CCDC178: variants seen among roughly 807,000 people sequenced by gnomAD.
The protein encoded by CCDC178 is coiled-coil domain-containing protein 178.
CCDC178 carries 126 observed loss-of-function variants against 117.4 expected under a neutral mutation model. The ratio of observed to expected loss-of-function variants is 1.07; its 90% CI spans 0.93 to 1.24. The LOEUF is 1.24. Among genes scored for constraint, CCDC178 ranks in the 50% most tolerant of loss-of-function variants. CCDC178 has a pLI of 0.00. For synonymous variants in CCDC178, 283 were observed against 313.4 expected, an observed-to-expected ratio of 0.90 and a Z score of 1.02; for missense variants, 1,030 against 986.9, an observed-to-expected ratio of 1.04 and a Z score of -0.59.
intron 20 of CCDC178, among the ~76,000 whole-genome samples, chr18:33,152,244 C>T (rs2058349706): frequency 6.6e-6 from 1 of 152,088 alleles, no homozygotes; most frequent in South Asian, 2.1e-4. Flanking sequence ...AGAGCAAATG[C>T]TCACTATTCT....
At chr18:33,339,388 G>A (rs1406365303) in intron 9 of CCDC178, among the ~76,000 whole-genome samples, 2 of 151,498 alleles carry the variant, frequency 1.3e-5, no homozygotes, top group Non-Finnish European at 2.9e-5. Context: ...AATTACCAAA[G>A]TTAGGAATGA....
intron 11 of CCDC178, among the ~76,000 whole-genome samples, chr18:33,307,887 T>G (rs7234981): frequency 0.016 from 2,427 of 152,232 alleles, 62 homozygotes; most frequent in African/African-American, 0.056. Context: ...AGAACTGAGG[T>G]TTGGGAACCT....
In CCDC178 at chr18:33,375,497, C is replaced by A. The variant is rs952556916; in HGVS notation, c.209-5308G>T. 2.0e-5 allele frequency among the ~76,000 whole-genome samples: 3 copies of A among 152,044 alleles called. No homozygotes were observed. In the East Asian group the frequency reaches 5.8e-4, roughly 29 times the overall value. On this transcript the variant is annotated intron_variant, in intron 5 of 22. Transcript: ENST00000383096. ...TGAGAGTAAGGAAGGGAGGTCTGGG[C>A]CTGCAGAATCCTATGCAGAATGGGA... is the stretch of plus-strand genomic sequence containing the variant.
intron 15 of CCDC178, among the ~76,000 whole-genome samples, chr18:33,230,828 T>C (rs529676282): frequency 7.2e-5 from 11 of 152,276 alleles, no homozygotes; most frequent in Admixed American, 5.9e-4. Context: ...AAAGTATAAA[T>C]ACCTGAAAAA....
intron 5 of CCDC178, among the ~76,000 whole-genome samples, chr18:33,382,444 C>G (rs1214311222): frequency 6.6e-6 from 1 of 152,110 alleles, no homozygotes; most frequent in African/African-American, 2.4e-5. Context: ...CCAGCAAGAC[C>G]AACATGGAAG....
At chr18:33,233,944 TA>T (rs1363892350) in intron 15 of CCDC178, among the ~76,000 whole-genome samples, 1 of 152,096 alleles carries the variant, frequency 6.6e-6, no homozygotes, top group Non-Finnish European at 1.5e-5. Context: ...TTCAGATAAT[TA>T]AATGGAAATA....
At chr18:33,103,969 TG>T (rs2057666622) in intron 20 of CCDC178, among the ~76,000 whole-genome samples, 1 of 151,772 alleles carries the variant, frequency 6.6e-6, no homozygotes, top group South Asian at 2.1e-4. Flanking sequence ...CTTTAAAATA[TG>T]GGGCTGAGCA....
chr18:32,971,356 T>C (rs1220348703), intron 22 of CCDC178, among the ~76,000 whole-genome samples: 1 of 152,176 alleles, frequency 6.6e-6, no homozygotes, highest in Non-Finnish European at 1.5e-5. Flanking sequence ...CATGATCTCA[T>C]TCTTTTTTAT....
At chr18:33,134,336 C>T (rs1190685585) in intron 20 of CCDC178, among the ~76,000 whole-genome samples, 1 of 151,886 alleles carries the variant, frequency 6.6e-6, no homozygotes, top group East Asian at 1.9e-4. Flanking sequence ...GAGATTGTGT[C>T]CAACATCTGC....
chr18:33,350,412 A>G (rs2062959803), intron 7 of CCDC178, among the ~76,000 whole-genome samples: 1 of 152,120 alleles, frequency 6.6e-6, no homozygotes, highest in South Asian at 2.1e-4. Context: ...CCAAAAGAAC[A>G]TATGCTACTT....
chr18:33,202,318 G>A (rs1017365295), intron 20 of CCDC178, among the ~76,000 whole-genome samples: 2 of 148,106 alleles, frequency 1.4e-5, no homozygotes, highest in South Asian at 4.3e-4. Context: ...CTTGAGCCCG[G>A]TGGGGCGGGG....
intron 11 of CCDC178, among the ~76,000 whole-genome samples, chr18:33,299,072 G>A (rs1052864163): frequency 2.6e-5 from 4 of 151,998 alleles, no homozygotes; most frequent in East Asian, 3.9e-4. Context: ...AATGCAATTC[G>A]TATCAGAATA....
intron 21 of CCDC178, among the ~76,000 whole-genome samples, chr18:33,042,809 T>G (rs1176936418): frequency 6.6e-6 from 1 of 151,950 alleles, no homozygotes; most frequent in South Asian, 2.1e-4. Flanking sequence ...GGCTGTATAC[T>G]CATTGTACTT....
chr18:33,432,048 A>G (rs1203931491), intron 2 of CCDC178, among the ~76,000 whole-genome samples: 3 of 152,182 alleles, frequency 2.0e-5, no homozygotes, highest in African/African-American at 4.8e-5. Context: ...CATCACAGGC[A>G]TGAGAGCTCC....
intron 15 of CCDC178, among the ~76,000 whole-genome samples, chr18:33,229,023 C>A (rs1285700923): frequency 6.6e-6 from 1 of 152,092 alleles, no homozygotes; most frequent in East Asian, 1.9e-4. Context: ...GTTTTCCCAT[C>A]CTATTATCAC....
At chr18:33,249,146 C>T (rs1247746265) in intron 14 of CCDC178, among the ~76,000 whole-genome samples, 1 of 152,110 alleles carries the variant, frequency 6.6e-6, no homozygotes, top group East Asian at 1.9e-4. Context: ...TGTTTGAGTT[C>T]ATTGTAGATT....
At chr18:33,437,656 T>C (rs1156930980) in intron 2 of CCDC178, 1 of 152,220 alleles carries the variant, frequency 6.6e-6, no homozygotes, top group African/African-American at 2.4e-5. Flanking sequence ...TTTAATCAAA[T>C]GCCAAAGAAC....
intron 5 of CCDC178, among the ~76,000 whole-genome samples, chr18:33,384,963 G>A (rs1265087846): frequency 6.6e-6 from 1 of 152,162 alleles, no homozygotes; most frequent in East Asian, 1.9e-4. Flanking sequence ...CTGTATTCAA[G>A]AAACACATCT....
chr18:33,204,899 G>A (rs1436732081), intron 20 of CCDC178, among the ~76,000 whole-genome samples: 1 of 152,052 alleles, frequency 6.6e-6, no homozygotes, highest in Non-Finnish European at 1.5e-5. Context: ...GCATGTTAAT[G>A]ATAAGAAAGC....
Sources: gnomAD v4.1 joint callset for allele counts (sites outside exome capture counted in the v4.1 genomes callset) on GRCh38, gnomAD v4.1.1 for gene constraint, MANE v1.5 for transcripts, NCBI Gene and HGNC (gene_info 2026-07-23, HGNC 2026-07-21) for gene names.